ABCB4: variants seen among roughly 807,000 people sequenced by gnomAD.
The protein encoded by ABCB4 is phosphatidylcholine translocator ABCB4.
Under a neutral mutation model 145.7 loss-of-function variants are expected in ABCB4, and 76 were observed. That is an observed-to-expected ratio of 0.52 (90% CI 0.43 to 0.63). ABCB4 has a LOEUF of 0.63. ABCB4 is among the 30% of genes least tolerant of loss of function. ABCB4 has a pLI of 0.00. For synonymous variants in ABCB4, 517 were observed against 566.8 expected, an observed-to-expected ratio of 0.91 and a Z score of 1.25; for missense variants, 1,234 against 1,553.1, an observed-to-expected ratio of 0.79 and a Z score of 3.45.
At chr7:87,449,247 C>T (rs1811544491) in intron 8 of ABCB4, among the ~76,000 whole-genome samples, 1 of 151,902 alleles carries the variant, frequency 6.6e-6, no homozygotes, top group African/African-American at 2.4e-5. Flanking sequence ...CCCACAAGGC[C>T]CTACAAAGAA....
the ABCB4 span, among the ~76,000 whole-genome samples, chr7:87,365,915 T>C: frequency 6.6e-6 from 1 of 152,110 alleles, no homozygotes; most frequent in African/African-American, 2.4e-5. Context: ...TGTTGTTTAT[T>C]TATTTGTTTT....
the ABCB4 span, among the ~76,000 whole-genome samples, chr7:87,378,948 C>T: frequency 6.6e-6 from 1 of 152,280 alleles, no homozygotes; most frequent in East Asian, 1.9e-4. Context: ...AAAGTTGCCA[C>T]AAGTCATTTA....
At chr7:87,403,004 A>G in intron 27 of ABCB4, 131 bp downstream of exon 27, 1 of 1,073,452 alleles carries the variant, frequency 9.3e-7, no homozygotes, top group Non-Finnish European at 1.4e-6. Flanking sequence ...TCAAAAAAAT[A>G]AAAATAAAAA....
chr7:87,388,880 G>A, the ABCB4 span, among the ~76,000 whole-genome samples: 1 of 152,032 alleles, frequency 6.6e-6, no homozygotes, highest in Non-Finnish European at 1.5e-5. Flanking sequence ...CTAACCACCT[G>A]ACAAAGGGCT....
At chr7:87,458,500 A>T (rs907515368) in intron 4 of ABCB4, among the ~76,000 whole-genome samples, 4 of 152,178 alleles carry the variant, frequency 2.6e-5, no homozygotes, top group African/African-American at 9.7e-5. Context: ...TAAAGAATAG[A>T]CTAAGTAAAC....
downstream of ABCB4, chr7:87,398,338 A>T (rs886601844): frequency 5.5e-6 from 4 of 721,942 alleles, no homozygotes; most frequent in African/African-American, 5.2e-5. Context: ...CTAATGAATG[A>T]GGTGTTTCTT....
At chr7:87,454,465 C>A (rs1811979518) in intron 5 of ABCB4, 70 bp downstream of exon 5, 12 of 1,245,194 alleles carry the variant, frequency 9.6e-6, no homozygotes, top group Non-Finnish European at 1.4e-5. Flanking sequence ...TTTGTATATT[C>A]TTATAACTCT....
In ABCB4 at chr7:87,440,188, A is replaced by G. The variant is rs776966296; in HGVS notation, c.1560+11T>C. ...TAATTTCAAGGACAACTACTTTATCAGAGGCTTTACCTGTGGTAATTTCAT... is the reference window on the plus strand; with the variant it reads ...TAATTTCAAGGACAACTACTTTATCGGAGGCTTTACCTGTGGTAATTTCAT... On this transcript the variant is annotated intron_variant, in intron 13 of 27. Coordinates refer to ENST00000649586, the MANE Select transcript of ABCB4 (RefSeq NM_000443.4). 6.2e-7 allele frequency: 1 copy of G among 1,612,766 alleles called. No individual in the cohort carries two copies.
At chr7:87,446,064 C>T (rs1203711514) in intron 9 of ABCB4, among the ~76,000 whole-genome samples, 1 of 152,196 alleles carries the variant, frequency 6.6e-6, no homozygotes, top group South Asian at 2.1e-4. Context: ...TCCAAACCGA[C>T]TGCCAGAGAG....
chr7:87,374,272 G>A, the ABCB4 span, among the ~76,000 whole-genome samples: 2 of 152,148 alleles, frequency 1.3e-5, no homozygotes, highest in South Asian at 2.1e-4. Context: ...TAATGGTGGC[G>A]ATTTGGGCAG....
At chr7:87,422,312 T>C in intron 17 of ABCB4, 87 bp from the exon 18 acceptor site, 1 of 1,003,396 alleles carries the variant, frequency 1.0e-6, no homozygotes, top group Non-Finnish European at 1.6e-6. Context: ...GAGTGTCACA[T>C]GTTTAAAACT....
chr7:87,391,679 G>A, the ABCB4 span: 1 of 1,611,080 alleles, frequency 6.2e-7, no homozygotes, highest in Non-Finnish European at 8.5e-7. Flanking sequence ...AAGCAGTGAG[G>A]TGGTGCCAGT....
the ABCB4 span, among the ~76,000 whole-genome samples, chr7:87,383,893 T>C: frequency 6.6e-6 from 1 of 152,172 alleles, no homozygotes; most frequent in Non-Finnish European, 1.5e-5. Context: ...AGTGTGGCTA[T>C]CTCTTTGATA....
the ABCB4 span, among the ~76,000 whole-genome samples, chr7:87,391,249 G>A: frequency 6.6e-6 from 1 of 152,166 alleles, no homozygotes; most frequent in African/African-American, 2.4e-5. Flanking sequence ...CACTTGTGCT[G>A]TACTCTCCCC....
intron 23 of ABCB4, 125 bp downstream of exon 23, chr7:87,411,767 GT>G: frequency 1.2e-6 from 1 of 827,612 alleles, no homozygotes; most frequent in Admixed American, 2.4e-5. Context: ...GATGGAAACT[GT>G]GGTAAATTTA....
chr7:87,438,023 A>G (rs534948277), intron 14 of ABCB4, among the ~76,000 whole-genome samples: 1 of 152,330 alleles, frequency 6.6e-6, no homozygotes, highest in East Asian at 1.9e-4. Context: ...CATATTATGA[A>G]AAACAATACA....
At chr7:87,468,629 T>A (rs575467318) in intron 3 of ABCB4, among the ~76,000 whole-genome samples, 2 of 152,128 alleles carry the variant, frequency 1.3e-5, no homozygotes, top group African/African-American at 4.8e-5. Context: ...AATGCAAAAA[T>A]CCTCAATAAA....
chr7:87,418,429 G>A, intron 20 of ABCB4, 108 bp downstream of exon 20: 1 of 1,055,194 alleles, frequency 9.5e-7, no homozygotes. Context: ...TTTGATTTGA[G>A]CTTTCTGCTA....
chr7:87,409,762 A>G (rs1317817502), intron 23 of ABCB4, among the ~76,000 whole-genome samples: 1 of 152,174 alleles, frequency 6.6e-6, no homozygotes, highest in East Asian at 1.9e-4. Context: ...AGTTGAGGGA[A>G]TTGAAGCACA....
Sources: gnomAD v4.1 joint callset for allele counts (sites outside exome capture counted in the v4.1 genomes callset) on GRCh38, gnomAD v4.1.1 for gene constraint, MANE v1.5 for transcripts, NCBI Gene and HGNC (gene_info 2026-07-23, HGNC 2026-07-21) for gene names.